Variants in CFAP74 observed in about 807,000 individuals in gnomAD.
The protein encoded by CFAP74 is cilia- and flagella-associated protein 74.
A neutral mutation model predicts 188.9 loss-of-function variants in CFAP74; 124 were observed. That is an observed-to-expected ratio of 0.66 (90% CI 0.57 to 0.76). The LOEUF (loss-of-function observed/expected upper bound fraction) is 0.76. CFAP74 is among the 30% of genes least tolerant of loss of function. The pLI is 0.00. For synonymous variants in CFAP74, 956 were observed against 916.7 expected, an observed-to-expected ratio of 1.04 and a Z score of -0.77; for missense variants, 2,198 against 2,165.2, an observed-to-expected ratio of 1.02 and a Z score of -0.30.
chr1:1,987,557 T>TTC (rs1553233714), intron 4 of CFAP74, among the ~76,000 whole-genome samples: 1 of 151,028 alleles, frequency 6.6e-6, no homozygotes, highest in Admixed American at 6.6e-5. Flanking sequence ...CTTTTTTTTT[T>TTC]CCCGAGACAG....
At chr1:1,943,552 G>A (rs903466456) in intron 21 of CFAP74, among the ~76,000 whole-genome samples, 3 of 152,222 alleles carry the variant, frequency 2.0e-5, no homozygotes, top group Non-Finnish European at 2.9e-5. Context: ...CAGCCTCGCC[G>A]TCCCTCTGCG....
At chr1:1,926,179 T>C (rs1570814405) in intron 32 of CFAP74, 49 bp downstream of exon 32, 3 of 1,466,546 alleles carry the variant, frequency 2.0e-6, no homozygotes, top group Non-Finnish European at 2.7e-6. Flanking sequence ...TGTTCTGCAG[T>C]GTGGGGAGCC....
intron 1 of CFAP74, among the ~76,000 whole-genome samples, chr1:1,999,970 C>T (rs1456917725): frequency 2.0e-5 from 3 of 152,118 alleles, no homozygotes; most frequent in African/African-American, 7.2e-5. Context: ...TCAAGACCAT[C>T]CTGGCTAACA....
chr1:1,927,022 G>C lies in CFAP74; in HGVS notation c.3534C>G (p.Asp1178Glu). The C allele has an allele frequency of 1.3e-6, 2 of 1,550,178 alleles. No individual in the cohort carries two copies. Among genetic ancestry groups the C allele is most frequent in the Non-Finnish European group, 1.7e-6 (2 of 1,146,840 alleles). Residue 1178 changes from aspartate (D) to glutamate (E), a missense_variant, in exon 29 of 39, where the codon GAC becomes GAG. Asp to Glu is a conservative substitution (Grantham distance 45, BLOSUM62 2). Coordinates refer to ENST00000682832, the MANE Select transcript of CFAP74 (RefSeq NM_001304360.2). ...GGGTGGCTCGGGCGGCCTGGTACTC[G>C]TCGGAACTAGAAGGAAGTCAGAGGC... ...MRKRELRPSS[D>E]EYQAARATLL...
chr1:1,947,174 C>T (rs545703376), intron 18 of CFAP74, 120 bp from the exon 19 acceptor site: 14 of 770,184 alleles, frequency 1.8e-5, no homozygotes, highest in African/African-American at 6.9e-5. Context: ...TCTTTCTGAA[C>T]ATAGTGGAGC....
At position 1,966,394 on chromosome 1, in the gene CFAP74, T is replaced by C; in HGVS notation, c.1378A>G (p.Asn460Asp). The C allele has an allele frequency of 6.3e-7, 1 of 1,586,944 alleles. No individual in the cohort carries two copies. The highest frequency in any genetic ancestry group is 8.6e-7 in the Non-Finnish European group (1 of 1,164,508). Residue 460 changes from asparagine (N) to aspartate (D), a missense_variant, in exon 12 of 39, where the codon AAT becomes GAT. Physicochemically the swap from Asn to Asp is conservative, Grantham distance 23 (BLOSUM62 1). Coordinates refer to ENST00000682832, the MANE Select transcript of CFAP74 (RefSeq NM_001304360.2). The part of the protein sequence containing the change: ...LAEPEISGLW[N>D]EDYKPYQVPK... ...ACCTGGTATGGCTTGTAGTCTTCAT[T>C]CCAAAGCCCAGAGATCTCGGGCTCA...
At chr1:1,979,219 T>C (rs370091257) in intron 6 of CFAP74, among the ~76,000 whole-genome samples, 44 of 38,208 alleles carry the variant, frequency 1.2e-3, no homozygotes, top group East Asian at 4.7e-3. Context: ...GAAGGCGTCA[T>C]GTGACGAGGC....
chr1:1,993,137 G>T (rs939881583), intron 1 of CFAP74, among the ~76,000 whole-genome samples: 1 of 148,620 alleles, frequency 6.7e-6, no homozygotes, highest in Admixed American at 6.8e-5. Flanking sequence ...GGAGGCGGAG[G>T]TTGCAGTGAG....
rs1196544126 is a variant in CFAP74, at chr1:1,946,999, C to T, written c.2232G>A (p.Thr744=). The change falls in exon 19 of 39, where the codon ACG becomes ACA. Residue 744 remains threonine, a synonymous_variant. Transcript: ENST00000682832. ...IPPSEEQTEI[T]LGEVTEGEIG... ...GCCTGAGCTGGCTGACCTCCCCCAG[C>T]GTGATCTCCGTCTGCTCTTCGCTGG... 13 of 1,535,696 alleles carry T rather than the reference C, an allele frequency of 8.5e-6. No homozygotes were observed. The highest frequency in any genetic ancestry group is 2.4e-5 in the South Asian group (2 of 84,046).
At chr1:1,970,996 ACAC>A in intron 9 of CFAP74, among the ~76,000 whole-genome samples, 180 bp from the exon 10 acceptor site, 2 of 147,288 alleles carry the variant, frequency 1.4e-5, no homozygotes, top group Non-Finnish European at 3.0e-5. Context: ...GTGCACACAC[ACAC>A]GCACACCTGC....
At position 1,972,969 on chromosome 1, in the gene CFAP74, A is replaced by T. The variant is rs748555470; in HGVS notation, c.753T>A (p.Val251=). Residue 251 remains valine, a synonymous_variant, in exon 8 of 39, where the codon GTT becomes GTA. Coordinates refer to ENST00000682832, the MANE Select transcript of CFAP74 (RefSeq NM_001304360.2). ...GGGAGGCCTTCAGGAACCGCACGGC[A>T]ACCTTGTGGTTCTTCCGGGCGTCCT... The part of the protein sequence containing the change: ...LLEDARKNHK[V]AVRFLKASLG... 36 of 1,613,878 alleles carry T rather than the reference A, an allele frequency of 2.2e-5. No individual in the cohort carries two copies. Among genetic ancestry groups the T allele is most frequent in the Non-Finnish European group, 2.8e-5 (33 of 1,179,990 alleles).
At chr1:1,976,696 C>T (rs1656470684) in intron 6 of CFAP74, among the ~76,000 whole-genome samples, 2 of 152,168 alleles carry the variant, frequency 1.3e-5, no homozygotes, top group South Asian at 4.1e-4. Context: ...GCATGCACCA[C>T]CACGCCCAGC....
At position 1,985,505 on chromosome 1, in the gene CFAP74, G is replaced by C. The variant is rs372146159; in HGVS notation, c.396-15C>G. ...CCACAGCGGCCCTGCAGTGGTGAAC[G>C]GACAGGCCGGGCGTGTGTCAGGCCT... On this transcript the variant is annotated splice_polypyrimidine_tract_variant and intron_variant, in intron 5 of 38. Coordinates refer to ENST00000682832, the MANE Select transcript of CFAP74 (RefSeq NM_001304360.2). 1 of 1,604,976 alleles carries C rather than the reference G, an allele frequency of 6.2e-7. No homozygotes were observed. The highest frequency in any genetic ancestry group is 1.7e-4 in the Middle Eastern group (1 of 6,008).
chr1:1,953,592 T>C (rs935677736), intron 18 of CFAP74: 3 of 153,672 alleles, frequency 2.0e-5, no homozygotes, highest in Non-Finnish European at 4.4e-5. Context: ...CCACTGTGCC[T>C]GGATGGTCAA....
At chr1:1,926,113 A>G (rs1163309896) in intron 32 of CFAP74, 115 bp downstream of exon 32, 1 of 1,428,464 alleles carries the variant, frequency 7.0e-7, no homozygotes, top group Non-Finnish European at 9.3e-7. Context: ...CTGCTCGCAG[A>G]CCCAGGCTTA....
intron 18 of CFAP74, among the ~76,000 whole-genome samples, chr1:1,951,168 C>T (rs780639139): frequency 6.6e-6 from 1 of 152,134 alleles, no homozygotes; most frequent in Non-Finnish European, 1.5e-5. Context: ...GAAGCAGGCA[C>T]GTCTCACACA....
chr1:2,002,999 G>A (rs1212449755), intron 1 of CFAP74, among the ~76,000 whole-genome samples: 1 of 152,070 alleles, frequency 6.6e-6, no homozygotes, highest in Non-Finnish European at 1.5e-5. Context: ...AGGGACGCAT[G>A]CATAGGTAGT....
At chr1:1,998,611 A>G (rs1658038871) in intron 1 of CFAP74, among the ~76,000 whole-genome samples, 2 of 152,264 alleles carry the variant, frequency 1.3e-5, no homozygotes, top group South Asian at 4.1e-4. Context: ...GCGGTGGCTC[A>G]CGCCTGTAAT....
Position 1,934,940 on chromosome 1 carries a change from T to TGACCCCTGGCATTCCTGAC in CFAP74, c.3011+3914_3011+3915insGTCAGGAATGCCAGGGGTC, listed in dbSNP as rs1330547793. Reference sequence around the variant, plus strand: ...GTTAGGTTGTAGGTACACAGGTGTGTACGTGGGTGTTAGGTTGTAGGTACA... The same window carrying TGACCCCTGGCATTCCTGAC: ...GTTAGGTTGTAGGTACACAGGTGTGTGACCCCTGGCATTCCTGACACGTGGGTGTTAGGTTGTAGGTACA... On this transcript the variant is annotated intron_variant, in intron 25 of 38. Transcript: ENST00000682832. Among the ~76,000 whole-genome samples the TGACCCCTGGCATTCCTGAC allele has an allele frequency of 2.6e-3, 233 of 89,766 alleles. 10 individuals carry two copies. The highest frequency in any genetic ancestry group is 8.0e-3 in the East Asian group (18 of 2,248). 58.9% of individuals were successfully genotyped at this position (89,766 alleles called of 152,430 possible). A position where few individuals can be genotyped will look rare whatever the true frequency, so the allele number is the denominator to read the frequency against.
Sources: allele counts gnomAD v4.1 joint callset (sites outside exome capture counted in the v4.1 genomes callset), GRCh38; gene constraint gnomAD v4.1.1; transcripts MANE v1.5; gene names NCBI Gene and HGNC (gene_info 2026-07-23, HGNC 2026-07-21).